The following CARMIL1 variants were observed in gnomAD, a reference collection of about 807,000 sequenced individuals.
CARMIL1 encodes capping protein regulator and myosin 1 linker 1.
CARMIL1 carries 90 observed loss-of-function variants against 177.1 expected under a neutral mutation model. The observed-to-expected ratio is 0.51, with a 90% CI of 0.43 to 0.61. The LOEUF (loss-of-function observed/expected upper bound fraction) is 0.61. Ranked by LOEUF, CARMIL1 falls within the 20% of genes least tolerant of loss-of-function variation. The probability of loss-of-function intolerance (pLI) is 0.00; values close to 1 mark genes in which losing one functional copy is unlikely to be tolerated. For missense variants in CARMIL1, 1,380 were observed against 1,667.0 expected, an observed-to-expected ratio of 0.83 and a Z score of 3.00; for synonymous variants, 577 against 606.2, an observed-to-expected ratio of 0.95 and a Z score of 0.71.
At chr6:25,296,856 AG>A (rs1782398595) in intron 2 of CARMIL1, among the ~76,000 whole-genome samples, 1 of 152,194 alleles carries the variant, frequency 6.6e-6, no homozygotes, top group Non-Finnish European at 1.5e-5. Flanking sequence ...TGGCACTTAG[AG>A]TATTCCAGCT....
intron 34 of CARMIL1, among the ~76,000 whole-genome samples, chr6:25,605,789 A>G (rs1156984941): frequency 6.6e-6 from 1 of 152,260 alleles, no homozygotes; most frequent in Admixed American, 6.5e-5. Flanking sequence ...GGCACTGTAC[A>G]TTATTAAATA....
intron 2 of CARMIL1, among the ~76,000 whole-genome samples, chr6:25,385,994 T>C (rs1209954263): frequency 1.3e-5 from 2 of 152,254 alleles, no homozygotes; most frequent in Admixed American, 6.5e-5. Context: ...TTTGGGCTTG[T>C]TCTTGCCTGC....
At chr6:25,358,591 G>T (rs562186369) in intron 2 of CARMIL1, among the ~76,000 whole-genome samples, 6 of 152,160 alleles carry the variant, frequency 3.9e-5, no homozygotes, top group Middle Eastern at 3.4e-3. Context: ...ATATCATAAG[G>T]TATATATAAA....
chr6:25,528,937 G>C (rs1268710346), intron 24 of CARMIL1, 44 bp downstream of exon 24: 1 of 1,435,046 alleles, frequency 7.0e-7, no homozygotes, highest in Non-Finnish European at 9.6e-7. Flanking sequence ...ATTCTTAACT[G>C]ACCCTCTGAG....
chr6:25,495,010 C>T, intron 15 of CARMIL1, 101 bp from the exon 16 acceptor site: 2 of 659,718 alleles, frequency 3.0e-6, no homozygotes, highest in East Asian at 2.8e-5. Context: ...TAAATTTCTG[C>T]AGAAAATATG....
At chr6:25,388,517 C>A (rs1386948036) in intron 2 of CARMIL1, among the ~76,000 whole-genome samples, 2 of 152,162 alleles carry the variant, frequency 1.3e-5, no homozygotes, top group Admixed American at 6.5e-5. Context: ...GCAGGCGCCA[C>A]CATGCCTGGC....
intron 34 of CARMIL1, among the ~76,000 whole-genome samples, 169 bp from the exon 35 acceptor site, chr6:25,605,892 G>A (rs1815913466): frequency 1.3e-5 from 2 of 152,086 alleles, no homozygotes; most frequent in African/African-American, 4.8e-5. Context: ...TCTTCCTCCA[G>A]CATGTTTTGA....
chr6:25,344,687 G>A (rs1266311209), intron 2 of CARMIL1, among the ~76,000 whole-genome samples: 1 of 152,044 alleles, frequency 6.6e-6, no homozygotes, highest in Non-Finnish European at 1.5e-5. Flanking sequence ...ACACTTGGTT[G>A]TTTCCTTTTT....
intron 2 of CARMIL1, among the ~76,000 whole-genome samples, chr6:25,343,284 A>C (rs1569559): frequency 0.056 from 8,407 of 150,518 alleles, 258 homozygotes; most frequent in Middle Eastern, 0.12. Context: ...GAACGTAATT[A>C]CTCAGAGAGT....
At chr6:25,381,458 ACT>A (rs1791531288) in intron 2 of CARMIL1, among the ~76,000 whole-genome samples, 1 of 151,918 alleles carries the variant, frequency 6.6e-6, no homozygotes, top group South Asian at 2.1e-4. Context: ...GACCCACAAG[ACT>A]CTTCTCCACT....
chr6:25,548,332 C>T (rs1386451301), intron 26 of CARMIL1, among the ~76,000 whole-genome samples: 9 of 152,100 alleles, frequency 5.9e-5, no homozygotes. Context: ...CCATTCTTCA[C>T]AGTAAAGAAC....
chr6:25,296,363 A>C (rs137909631), intron 2 of CARMIL1, among the ~76,000 whole-genome samples: 40 of 152,314 alleles, frequency 2.6e-4, no homozygotes, highest in African/African-American at 9.4e-4. Flanking sequence ...TCAAGAGTGC[A>C]GCCTGCTTTT....
At chr6:25,330,673 C>G (rs924071253) in intron 2 of CARMIL1, among the ~76,000 whole-genome samples, 1 of 140,692 alleles carries the variant, frequency 7.1e-6, no homozygotes, top group Non-Finnish European at 1.5e-5. Flanking sequence ...GACGCACCCC[C>G]CCGCCCATCT....
At chr6:25,448,719 G>A (rs1014547186) in intron 5 of CARMIL1, among the ~76,000 whole-genome samples, 2 of 152,162 alleles carry the variant, frequency 1.3e-5, no homozygotes, top group African/African-American at 2.4e-5. Context: ...CTTTGCGAGG[G>A]CAGGGGCAGC....
chr6:25,314,545 C>CAGAT (rs1165023741), intron 2 of CARMIL1, among the ~76,000 whole-genome samples: 1 of 151,530 alleles, frequency 6.6e-6, no homozygotes, highest in East Asian at 1.9e-4. Context: ...CGTATACATA[C>CAGAT]ACATACATAT....
intron 2 of CARMIL1, among the ~76,000 whole-genome samples, chr6:25,288,514 T>G (rs796329190): frequency 3.9e-4 from 59 of 151,682 alleles, no homozygotes; most frequent in African/African-American, 1.4e-3. Flanking sequence ...GAAAAAATCT[T>G]ATGTTATAAC....
intron 29 of CARMIL1, among the ~76,000 whole-genome samples, chr6:25,561,288 T>C (rs905463585): frequency 3.3e-5 from 5 of 152,174 alleles, no homozygotes; most frequent in South Asian, 4.1e-4. Flanking sequence ...CTTTAAAAAA[T>C]AGCAGAAGTT....
intron 23 of CARMIL1, among the ~76,000 whole-genome samples, chr6:25,528,395 C>G (rs911593172): frequency 6.6e-6 from 1 of 152,266 alleles, no homozygotes; most frequent in Middle Eastern, 3.4e-3. Flanking sequence ...TTAGAGAGCA[C>G]CACCCTTATT....
chr6:25,335,866 A>G (rs1185296420), intron 2 of CARMIL1, among the ~76,000 whole-genome samples: 1 of 150,914 alleles, frequency 6.6e-6, no homozygotes, highest in Non-Finnish European at 1.5e-5. Context: ...AACTCACCTT[A>G]TATGGAATTG....
Sources: gnomAD v4.1 joint callset for allele counts (sites outside exome capture counted in the v4.1 genomes callset) on GRCh38, gnomAD v4.1.1 for gene constraint, MANE v1.5 for transcripts, NCBI Gene and HGNC (gene_info 2026-07-23, HGNC 2026-07-21) for gene names.